KCNQ5: variants seen among roughly 807,000 people sequenced by gnomAD.
KCNQ5 encodes potassium voltage-gated channel subfamily Q member 5.
A neutral mutation model predicts 98.2 loss-of-function variants in KCNQ5; 30 were observed. The ratio of observed to expected loss-of-function variants is 0.31; its 90% CI spans 0.23 to 0.41. KCNQ5 has a LOEUF of 0.41. KCNQ5 is among the 10% of genes least tolerant of loss of function. KCNQ5 has a pLI of 1.00. For synonymous variants in KCNQ5, 458 were observed against 449.4 expected, an observed-to-expected ratio of 1.02 and a Z score of -0.24; for missense variants, 835 against 1,182.5, an observed-to-expected ratio of 0.71 and a Z score of 4.31.
chr6:72,787,714 A>G (rs1773827932), intron 1 of KCNQ5, among the ~76,000 whole-genome samples: 1 of 152,214 alleles, frequency 6.6e-6, no homozygotes, highest in Non-Finnish European at 1.5e-5. Flanking sequence ...ATGCCAAGGC[A>G]CATTCTTCTG....
chr6:73,175,963 GAA>G (rs35577562), intron 11 of KCNQ5, among the ~76,000 whole-genome samples: 1,662 of 152,294 alleles, frequency 0.011, 25 homozygotes, highest in East Asian at 0.07. Context: ...TGGGCAGAGA[GAA>G]CTGCAATTGC....
intron 2 of KCNQ5, among the ~76,000 whole-genome samples, chr6:73,026,641 C>T (rs571287834): frequency 6.6e-6 from 1 of 152,216 alleles, no homozygotes; most frequent in African/African-American, 2.4e-5. Flanking sequence ...ATCAAATGGA[C>T]ATGGATATGT....
intron 1 of KCNQ5, among the ~76,000 whole-genome samples, chr6:72,961,925 C>T (rs978717836): frequency 1.4e-4 from 22 of 151,796 alleles, no homozygotes; most frequent in Non-Finnish European, 2.8e-4. Flanking sequence ...ACTTGTAATC[C>T]CAGAACTTTG....
At chr6:72,964,533 T>A (rs1767516894) in intron 1 of KCNQ5, among the ~76,000 whole-genome samples, 1 of 152,218 alleles carries the variant, frequency 6.6e-6, no homozygotes, top group Non-Finnish European at 1.5e-5. Context: ...TGATTTCCTA[T>A]CCTTGGTGAT....
At chr6:72,984,297 G>A (rs1378576597) in intron 1 of KCNQ5, among the ~76,000 whole-genome samples, 1 of 152,202 alleles carries the variant, frequency 6.6e-6, no homozygotes, top group Non-Finnish European at 1.5e-5. Context: ...CCTTTGTTCA[G>A]CTATGCCCTG....
chr6:72,701,410 TATG>T (rs1252465517), intron 1 of KCNQ5, among the ~76,000 whole-genome samples: 1 of 152,190 alleles, frequency 6.6e-6, no homozygotes, highest in East Asian at 1.9e-4. Flanking sequence ...AAGCAAATTT[TATG>T]ATATCGGTTT....
intron 13 of KCNQ5, among the ~76,000 whole-genome samples, chr6:73,193,766 AT>A (rs1765685601): frequency 6.6e-6 from 1 of 150,810 alleles, no homozygotes; most frequent in African/African-American, 2.4e-5. Context: ...TCCTTACTAG[AT>A]TTCTGTAGAG....
chr6:72,732,010 AG>A (rs1196694835), intron 1 of KCNQ5, among the ~76,000 whole-genome samples: 1 of 152,200 alleles, frequency 6.6e-6, no homozygotes, highest in African/African-American at 2.4e-5. Flanking sequence ...TTGATTTTGT[AG>A]TTTTTGAGCT....
intron 1 of KCNQ5, among the ~76,000 whole-genome samples, chr6:72,948,743 A>G (rs1262601295): frequency 6.6e-6 from 1 of 152,160 alleles, no homozygotes; most frequent in African/African-American, 2.4e-5. Flanking sequence ...CTTTAAATAG[A>G]TTAATAAAGG....
chr6:72,912,218 GGCATT>G (rs1484671911), intron 1 of KCNQ5, among the ~76,000 whole-genome samples: 3 of 152,078 alleles, frequency 2.0e-5, no homozygotes, highest in Non-Finnish European at 4.4e-5. Flanking sequence ...TTACTTGGAG[GGCATT>G]ATGTGTGGTG....
intron 3 of KCNQ5, among the ~76,000 whole-genome samples, chr6:73,059,208 A>G (rs1404371365): frequency 6.6e-6 from 1 of 152,242 alleles, no homozygotes; most frequent in Non-Finnish European, 1.5e-5. Flanking sequence ...TGTGGTACAT[A>G]TACACCATAA....
intron 1 of KCNQ5, among the ~76,000 whole-genome samples, chr6:72,855,746 T>C (rs762866697): frequency 6.6e-5 from 10 of 152,168 alleles, no homozygotes; most frequent in Non-Finnish European, 1.5e-4. Context: ...AAATAATGAG[T>C]GCTACCAGCT....
chr6:72,625,220 A>G (rs776491488), intron 1 of KCNQ5, among the ~76,000 whole-genome samples: 1 of 152,212 alleles, frequency 6.6e-6, no homozygotes, highest in Non-Finnish European at 1.5e-5. Context: ...AATTATTATA[A>G]TGGTATTTTA....
At chr6:72,853,285 C>A (rs1582412886) in intron 1 of KCNQ5, among the ~76,000 whole-genome samples, 1 of 152,004 alleles carries the variant, frequency 6.6e-6, no homozygotes, top group East Asian at 1.9e-4. Context: ...TGATTCTAAG[C>A]CCTCTTTCTA....
chr6:73,027,033 T>C (rs1770923294), intron 2 of KCNQ5, among the ~76,000 whole-genome samples: 1 of 152,186 alleles, frequency 6.6e-6, no homozygotes, highest in East Asian at 1.9e-4. Flanking sequence ...TCCCAGTGTT[T>C]GACATTGACC....
intron 1 of KCNQ5, among the ~76,000 whole-genome samples, chr6:72,671,479 G>C (rs60941898): frequency 0.018 from 2,706 of 152,162 alleles, 67 homozygotes; most frequent in African/African-American, 0.06. Context: ...ATACCTTTGT[G>C]GTTTTTACTT....
At chr6:72,764,495 T>C (rs1772463382) in intron 1 of KCNQ5, among the ~76,000 whole-genome samples, 1 of 151,946 alleles carries the variant, frequency 6.6e-6, no homozygotes, top group Non-Finnish European at 1.5e-5. Context: ...GTAAGTAGTA[T>C]GTGTATATAT....
intron 1 of KCNQ5, among the ~76,000 whole-genome samples, chr6:72,647,897 TTAAA>T (rs1765679729): frequency 6.6e-6 from 1 of 152,136 alleles, no homozygotes; most frequent in Non-Finnish European, 1.5e-5. Context: ...CATCATGAAA[TTAAA>T]TAAGATTTCC....
intron 1 of KCNQ5, among the ~76,000 whole-genome samples, chr6:72,975,280 A>C (rs1045703912): frequency 2.6e-5 from 4 of 152,012 alleles, no homozygotes; most frequent in African/African-American, 9.7e-5. Context: ...ATGCTTATAT[A>C]CATAGCAGCA....
Sources: allele counts gnomAD v4.1 joint callset (sites outside exome capture counted in the v4.1 genomes callset), GRCh38; gene constraint gnomAD v4.1.1; transcripts MANE v1.5; gene names NCBI Gene and HGNC (gene_info 2026-07-23, HGNC 2026-07-21).